The following ZNF804B variants were observed in gnomAD, a reference collection of about 807,000 sequenced individuals.
ZNF804B encodes the protein zinc finger 804B.
Under a neutral mutation model 101.4 loss-of-function variants are expected in ZNF804B, and 80 were observed. The ratio of observed to expected loss-of-function variants is 0.79; its 90% confidence interval spans 0.66 to 0.95. The LOEUF is 0.95. Ranked by LOEUF, ZNF804B falls within the 40% of genes least tolerant of loss-of-function variation. The probability of loss-of-function intolerance (pLI) is 0.00; values close to 1 mark genes in which losing one functional copy is unlikely to be tolerated. For synonymous variants in ZNF804B, 622 were observed against 558.8 expected (o/e 1.11, Z -1.59); for missense variants, 1,673 against 1,561.9 (o/e 1.07, Z -1.20).
intron 2 of ZNF804B, among the ~76,000 whole-genome samples, chr7:89,289,830 C>G (rs1349936361): frequency 6.6e-6 from 1 of 152,210 alleles, no homozygotes; most frequent in African/African-American, 2.4e-5. Flanking sequence ...GAGCTGAGCT[C>G]AGAGCCAGTG....
intron 1 of ZNF804B, among the ~76,000 whole-genome samples, chr7:88,962,357 A>T (rs1249051293): frequency 6.6e-6 from 1 of 151,202 alleles, no homozygotes; most frequent in East Asian, 2.0e-4. Context: ...TAGTTGTATC[A>T]GTGTAGCAGT....
chr7:88,925,327 A>G (rs1792780028), intron 1 of ZNF804B, among the ~76,000 whole-genome samples: 1 of 152,142 alleles, frequency 6.6e-6, no homozygotes, highest in South Asian at 2.1e-4. Context: ...TTGTTCCCCC[A>G]AATTCATATG....
At chr7:89,186,520 T>C (rs1043143784) in intron 1 of ZNF804B, among the ~76,000 whole-genome samples, 50 of 152,254 alleles carry the variant, frequency 3.3e-4, no homozygotes, top group Admixed American at 9.8e-4. Context: ...TTCTGTCATG[T>C]GGCCAAATGC....
chr7:89,173,169 CAT>C (rs1008537610), intron 1 of ZNF804B, among the ~76,000 whole-genome samples: 14 of 152,086 alleles, frequency 9.2e-5, no homozygotes, highest in Admixed American at 2.6e-4. Flanking sequence ...CTATGTGAAA[CAT>C]GTGTCTGGCT....
At chr7:89,010,194 A>T (rs1788434417) in intron 1 of ZNF804B, among the ~76,000 whole-genome samples, 1 of 151,926 alleles carries the variant, frequency 6.6e-6, no homozygotes. Flanking sequence ...TACCTTTTTC[A>T]AGTGACATTA....
At chr7:89,330,439 A>C (rs1239198561) in intron 3 of ZNF804B, among the ~76,000 whole-genome samples, 1 of 151,718 alleles carries the variant, frequency 6.6e-6, no homozygotes, top group African/African-American at 2.4e-5. Flanking sequence ...GTTTGCATAC[A>C]TCAAATGATC....
chr7:88,995,140 A>G (rs1261150618), intron 1 of ZNF804B, among the ~76,000 whole-genome samples: 1 of 152,024 alleles, frequency 6.6e-6, no homozygotes, highest in East Asian at 1.9e-4. Context: ...CCCTGTGCAC[A>G]TCACTGATAA....
In ZNF804B at chr7:89,185,892, G is replaced by GA. The variant is rs918011172; in HGVS notation, c.109-32253dup. 3.1e-3 allele frequency among the ~76,000 whole-genome samples: 442 copies of GA among 143,356 alleles called. 2 individuals are homozygous for GA. The Middle Eastern group carries it at 0.033, about 11-fold the overall frequency. The allele number at this position is 143,356 out of a possible 152,430, so 94.0% of individuals were successfully genotyped here. ...AGACCCTGTCTCAATAAGAAAAAAA[G>GA]AAAAAAAAAAGACACAATTTTAAAA... is the stretch of plus-strand genomic sequence containing the variant. On this transcript the variant is annotated intron_variant, in intron 1 of 3. Coordinates refer to ENST00000333190, the MANE Select transcript of ZNF804B (RefSeq NM_181646.5).
intron 1 of ZNF804B, among the ~76,000 whole-genome samples, chr7:89,127,399 C>T (rs2057674): frequency 0.76 from 114,474 of 151,608 alleles, 44,089 homozygotes; most frequent in African/African-American, 0.92. Flanking sequence ...TTGTCCAAGG[C>T]AGAGTTATCT....
chr7:88,891,436 A>T (rs1172270222), intron 1 of ZNF804B, among the ~76,000 whole-genome samples: 1 of 152,082 alleles, frequency 6.6e-6, no homozygotes, highest in African/African-American at 2.4e-5. Context: ...CTACCCTATT[A>T]TTCAAACCTT....
At chr7:88,969,469 C>T (rs1296281930) in intron 1 of ZNF804B, among the ~76,000 whole-genome samples, 1 of 151,580 alleles carries the variant, frequency 6.6e-6, no homozygotes, top group East Asian at 2.0e-4. Context: ...TTTAAATGGA[C>T]ACTTAGGCTA....
chr7:88,951,668 A>T (rs73202739), intron 1 of ZNF804B, among the ~76,000 whole-genome samples: 9,742 of 151,934 alleles, frequency 0.064, 458 homozygotes, highest in South Asian at 0.17. Context: ...ATAGATTTCT[A>T]TAAACTATAT....
chr7:89,104,513 C>T (rs995360545), intron 1 of ZNF804B, among the ~76,000 whole-genome samples: 2 of 151,708 alleles, frequency 1.3e-5, no homozygotes, highest in African/African-American at 4.8e-5. Context: ...CCTAAGTTTT[C>T]TAGTTTGTGT....
chr7:88,878,941 C>T (rs927877307), intron 1 of ZNF804B, among the ~76,000 whole-genome samples: 5 of 152,050 alleles, frequency 3.3e-5, no homozygotes, highest in African/African-American at 7.2e-5. Context: ...CTTATGCTTC[C>T]GCTCCTCTAG....
At chr7:88,996,517 G>A (rs1788199722) in intron 1 of ZNF804B, among the ~76,000 whole-genome samples, 1 of 152,006 alleles carries the variant, frequency 6.6e-6, no homozygotes, top group Admixed American at 6.6e-5. Flanking sequence ...GAGGTTATCA[G>A]CTTTTAACTT....
chr7:89,317,534 G>C (rs539483174), intron 2 of ZNF804B, among the ~76,000 whole-genome samples: 9 of 152,296 alleles, frequency 5.9e-5, no homozygotes, highest in African/African-American at 1.9e-4. Context: ...AAGTAAGGAG[G>C]AATATTCTAA....
chr7:89,159,988 T>C (rs1446109955), intron 1 of ZNF804B, among the ~76,000 whole-genome samples: 1 of 152,096 alleles, frequency 6.6e-6, no homozygotes, highest in African/African-American at 2.4e-5. Context: ...TGAGCGATGA[T>C]ATAAGAACAT....
At chr7:88,768,992 C>T (rs1302956358) in intron 1 of ZNF804B, among the ~76,000 whole-genome samples, 4 of 152,058 alleles carry the variant, frequency 2.6e-5, no homozygotes, top group Admixed American at 2.6e-4. Flanking sequence ...GTGTTTTGAG[C>T]CTAGTGCTTG....
chr7:88,955,751 G>A (rs1232701611), intron 1 of ZNF804B, among the ~76,000 whole-genome samples: 2 of 151,506 alleles, frequency 1.3e-5, no homozygotes, highest in East Asian at 3.9e-4. Context: ...AGACAAATGA[G>A]ACTATATTAA....
Sources: gnomAD v4.1 joint callset for allele counts (sites outside exome capture counted in the v4.1 genomes callset) on GRCh38, gnomAD v4.1.1 for gene constraint, MANE v1.5 for transcripts, NCBI Gene and HGNC (gene_info 2026-07-23, HGNC 2026-07-21) for gene names.